Variants in ADSL observed in about 807,000 individuals in gnomAD.
ADSL encodes the protein adenylosuccinate lyase.
In ADSL, 44 loss-of-function variants were observed where a neutral mutation model predicts 62.1. The ratio of observed to expected loss-of-function variants is 0.71; its 90% CI spans 0.56 to 0.91. ADSL has a LOEUF of 0.91. ADSL is among the 40% of genes least tolerant of loss of function. The pLI, the probability that ADSL is intolerant of heterozygous loss-of-function variation, is 0.00. For missense variants in ADSL, 531 were observed against 627.4 expected, an observed-to-expected ratio of 0.85 and a Z score of 1.64; for synonymous variants, 198 against 220.5, an observed-to-expected ratio of 0.90 and a Z score of 0.90.
chr22:40,366,892 CAG>C lies in ADSL; in HGVS notation c.*371_*372del. 3.8e-6 allele frequency: 1 copy of C among 265,382 alleles called. No homozygotes were observed. Among genetic ancestry groups the C allele is most frequent in the African/African-American group, 2.3e-5 (1 of 44,130 alleles). 16.4% of individuals were successfully genotyped at this position (265,382 alleles called of 1,614,324 possible). A position where few individuals can be genotyped will look rare whatever the true frequency, so the allele number is the denominator to read the frequency against. ...TAGGTCTAGCAAAATAACCTGGACTCAGTGATTGAGTCAATGGTCAGATACCT... is the reference window on the plus strand; with the variant it reads ...TAGGTCTAGCAAAATAACCTGGACTCTGATTGAGTCAATGGTCAGATACCT... On this transcript the variant is annotated 3_prime_UTR_variant, in exon 13 of 13. Transcript: ENST00000623063.
At chr22:40,354,519 T>C (rs902416077) in intron 4 of ADSL, among the ~76,000 whole-genome samples, 192 bp downstream of exon 4, 2 of 152,152 alleles carry the variant, frequency 1.3e-5, no homozygotes, top group Non-Finnish European at 2.9e-5. Context: ...TTGGGAAACA[T>C]TGGGAAATAC....
intron 2 of ADSL, chr22:40,379,596 A>C (rs2047224158): frequency 6.6e-6 from 1 of 152,268 alleles, no homozygotes; most frequent in South Asian, 2.1e-4. Flanking sequence ...CTGCTGCAGC[A>C]TATGCATATC....
rs759016211 is a variant in ADSL at position 40,360,510 on chromosome 22, G to A, written c.792+18G>A. Reference sequence around the variant, plus strand: ...TGCACAAGGTGAGTGGTGGCAGCATGTGGGGTGGGGACAGGAGCTTTGGGC... The same window carrying A: ...TGCACAAGGTGAGTGGTGGCAGCATATGGGGTGGGGACAGGAGCTTTGGGC... On this transcript the variant is annotated intron_variant, in intron 7 of 12. Transcript: ENST00000623063. 3.1e-6 allele frequency: 5 copies of A among 1,598,592 alleles called. No homozygotes were observed. Among genetic ancestry groups the A allele is most frequent in the Middle Eastern group, 1.7e-4 (1 of 6,020 alleles).
At chr22:40,359,081 C>T (rs753265414) in intron 5 of ADSL, 46 bp downstream of exon 5, 1 of 1,609,672 alleles carries the variant, frequency 6.2e-7, no homozygotes. Flanking sequence ...AATGGTGGAG[C>T]CTAAGAGACA....
At chr22:40,346,783 C>A in intron 1 of ADSL, 72 bp downstream of exon 1, 1 of 1,498,264 alleles carries the variant, frequency 6.7e-7, no homozygotes, top group Non-Finnish European at 9.0e-7. Flanking sequence ...GGCTCTGTTC[C>A]GGGCTGGGCT....
At chr22:40,362,246 C>T (rs1234352127) in intron 9 of ADSL, among the ~76,000 whole-genome samples, 1 of 152,188 alleles carries the variant, frequency 6.6e-6, no homozygotes, top group Non-Finnish European at 1.5e-5. Flanking sequence ...ATTACTCTCG[C>T]CTGCTCGCAT....
chr22:40,354,219 C>T (rs776238490), intron 3 of ADSL, 29 bp from the exon 4 acceptor site: 2 of 1,601,076 alleles, frequency 1.2e-6, no homozygotes, highest in East Asian at 2.2e-5. Flanking sequence ...TGAATTCAAC[C>T]TCTTTCTATC....
At chr22:40,372,220 G>C (rs1434295685), downstream of ADSL, among the ~76,000 whole-genome samples, 1 of 143,566 alleles carries the variant, frequency 7.0e-6, no homozygotes, top group Non-Finnish European at 1.5e-5. Flanking sequence ...TCTGCCTCCC[G>C]GGTTCACGCC....
At chr22:40,354,438 A>G (rs1601566381) in intron 4 of ADSL, 111 bp downstream of exon 4, 1 of 885,022 alleles carries the variant, frequency 1.1e-6, no homozygotes, top group Non-Finnish European at 1.9e-6. Context: ...CATGATTTAA[A>G]TATAAGTAAT....
intron 10 of ADSL, among the ~76,000 whole-genome samples, 188 bp from the exon 11 acceptor site, chr22:40,364,088 A>G (rs2044900874): frequency 6.7e-6 from 1 of 150,282 alleles, no homozygotes; most frequent in Non-Finnish European, 1.5e-5. Context: ...AAAAAAAAAG[A>G]AAAAAAAAAT....
intron 2 of ADSL, among the ~76,000 whole-genome samples, chr22:40,351,374 G>T (rs1248218951): frequency 6.6e-6 from 1 of 151,946 alleles, no homozygotes; most frequent in East Asian, 1.9e-4. Context: ...GTTTCACTAT[G>T]TTGGCCAGCC....
At position 40,364,373 on chromosome 22, in the gene ADSL, A is replaced by T. The variant is rs1288865818; in HGVS notation, c.1191+8A>T. On this transcript the variant is annotated splice_region_variant and intron_variant, in intron 11 of 12. Transcript: ENST00000623063. ...GCTGGAGGTAGCCGCCAGGTTTGTA[A>T]CCCCTCATGTTCCTGGATAAGTTGA... 6.2e-7 allele frequency: 1 copy of T among 1,612,610 alleles called. No individual in the cohort carries two copies. The highest frequency in any genetic ancestry group is 8.5e-7 in the Non-Finnish European group (1 of 1,179,026).
rs147504777 is a variant in ADSL, at chr22:40,363,195, A to T, written c.1101+124A>T. On this transcript the variant is annotated intron_variant, in intron 10 of 12. Coordinates refer to ENST00000623063, the MANE Select transcript of ADSL (RefSeq NM_000026.4). Reference sequence around the variant, plus strand: ...ATAGGCATTCTTCCCACCCGAGCTCATCCTTCAGTTCATAAGCTCTAGGGA... The same window carrying T: ...ATAGGCATTCTTCCCACCCGAGCTCTTCCTTCAGTTCATAAGCTCTAGGGA... 4 of 862,960 alleles carry T rather than the reference A, an allele frequency of 4.6e-6. No homozygotes were observed. The African/African-American group carries it at 5.0e-5, about 11-fold the overall frequency. The allele number at this position is 862,960 out of a possible 1,614,324, so 53.5% of individuals were successfully genotyped here. A position where few individuals can be genotyped will look rare whatever the true frequency, so the allele number is the denominator to read the frequency against.
intron 9 of ADSL, among the ~76,000 whole-genome samples, chr22:40,362,600 TG>T (rs1353453774): frequency 2.0e-5 from 3 of 152,166 alleles, no homozygotes; most frequent in Non-Finnish European, 4.4e-5. Flanking sequence ...CCAGCCCTGG[TG>T]GTTGACCGGA....
chr22:40,358,102 T>C (rs964560365), intron 4 of ADSL, among the ~76,000 whole-genome samples: 4 of 152,224 alleles, frequency 2.6e-5, no homozygotes, highest in Non-Finnish European at 4.4e-5. Context: ...TTTCTTTTTT[T>C]ACTCGTTTAC....
chr22:40,357,571 T>C (rs2044614016), intron 4 of ADSL, among the ~76,000 whole-genome samples: 2 of 152,074 alleles, frequency 1.3e-5, no homozygotes, highest in African/African-American at 4.8e-5. Context: ...GGCTTAATGC[T>C]GGAAACAAAG....
At chr22:40,356,359 A>T (rs910406316) in intron 4 of ADSL, among the ~76,000 whole-genome samples, 2 of 151,686 alleles carry the variant, frequency 1.3e-5, no homozygotes, top group Non-Finnish European at 2.9e-5. Context: ...ACATGGTGAA[A>T]CTCCATGTGT....
chr22:40,350,290 A>AT (rs2044296171), intron 2 of ADSL: 1 of 416,038 alleles, frequency 2.4e-6, no homozygotes, highest in African/African-American at 2.0e-5. Flanking sequence ...CACTCGGCTA[A>AT]TTTTTTTGTA....
At chr22:40,355,824 C>G (rs2044531497) in intron 4 of ADSL, among the ~76,000 whole-genome samples, 1 of 152,040 alleles carries the variant, frequency 6.6e-6, no homozygotes, top group Non-Finnish European at 1.5e-5. Context: ...CCTTGATGTT[C>G]CTAGCTGTCA....
Sources: gnomAD v4.1 joint callset for allele counts (sites outside exome capture counted in the v4.1 genomes callset) on GRCh38, gnomAD v4.1.1 for gene constraint, MANE v1.5 for transcripts, NCBI Gene and HGNC (gene_info 2026-07-23, HGNC 2026-07-21) for gene names.